The following CBLN3 variants were observed in gnomAD, a reference collection of about 807,000 sequenced individuals.
The protein encoded by CBLN3 is cerebellin 3 precursor, also known as cerebellin-3.
Under a neutral mutation model 17.4 loss-of-function variants are expected in CBLN3, and 14 were observed. The ratio of observed to expected loss-of-function variants is 0.81; its 90% CI spans 0.53 to 1.26. The LOEUF is 1.26. Among genes scored for constraint, CBLN3 ranks in the 50% most tolerant of loss-of-function variants. The pLI is 0.00. For missense variants in CBLN3, 263 were observed against 268.5 expected, an observed-to-expected ratio of 0.98 and a Z score of 0.14; for synonymous variants, 129 against 117.4, an observed-to-expected ratio of 1.10 and a Z score of -0.64.
In CBLN3 at chr14:24,429,604, A is replaced by AC. The variant is rs1156492317; in HGVS notation, c.-551dup. The stretch of plus-strand genomic sequence containing the variant: ...ACCCTCCGCCTCCCGCCTCCCGCCT[A>AC]CCCCCTCCGCCACGATTGCTTTGGT... On this transcript the variant is annotated 5_prime_UTR_variant, in exon 1 of 3. Transcript: ENST00000267406. The AC allele has an allele frequency of 1.1e-6, 1 of 922,290 alleles. No individual in the cohort carries two copies. The highest frequency in any genetic ancestry group is 1.4e-6 in the Non-Finnish European group (1 of 704,484). The allele number at this position is 922,290 out of a possible 1,614,324, so 57.1% of individuals were successfully genotyped here.
At position 24,427,513 on chromosome 14, in the gene CBLN3, T is replaced by C; in HGVS notation, c.*276A>G. On this transcript the variant is annotated 3_prime_UTR_variant, in exon 3 of 3. Coordinates refer to ENST00000267406, the MANE Select transcript of CBLN3 (RefSeq NM_001039771.3). This position sits in a 1 kb window ranked among gnomAD's most constrained non-coding sequence, Gnocchi z 4.4. ...CGCAAAGTAGTGCAGATCTTCCTTC[T>C]TGCCAAACCTTGCCCTGATCCTAGG... The C allele has an allele frequency of 2.3e-6, 1 of 436,594 alleles. No individual in the cohort carries two copies. The highest frequency in any genetic ancestry group is 2.4e-5 in the South Asian group (1 of 42,360). 27.0% of individuals were successfully genotyped at this position (436,594 alleles called of 1,614,324 possible). A position where few individuals can be genotyped will look rare whatever the true frequency, so the allele number is the denominator to read the frequency against.
Position 24,427,943 on chromosome 14 carries a change from G to T in CBLN3, c.464C>A (p.Ala155Asp). Residue 155 changes from alanine (A) to aspartate (D), a missense_variant, in exon 3 of 3, where the codon GCC becomes GAC. By Grantham distance (126) the Ala-to-Asp change is moderately radical. Coordinates refer to ENST00000267406, the MANE Select transcript of CBLN3 (RefSeq NM_001039771.3). The surrounding 1 kb of genome is among the most constrained non-coding windows in gnomAD (Gnocchi z 4.4). ...CTCCCGGGTCACGTCAGGATCATTG[G>T]CAAAGGCTGAGATGACAGGCCACGT... is the stretch of plus-strand genomic sequence containing the variant. ...LNTWPVISAF[A>D]NDPDVTREAA... 6.2e-7 allele frequency: 1 copy of T among 1,613,854 alleles called. No individual in the cohort carries two copies. The highest frequency in any genetic ancestry group is 8.5e-7 in the Non-Finnish European group (1 of 1,179,890).
rs2043061256 is a variant in CBLN3 at position 24,429,292 on chromosome 14, GA to G, written c.-239del. ...GTGACAGCAGTTGGGCTTTGGGAGA[GA>G]AAGGAGGGATGAAGCCGCCTGCCCA... is the stretch of plus-strand genomic sequence containing the variant. On this transcript the variant is annotated 5_prime_UTR_variant, in exon 1 of 3. It introduces an in-frame stop codon into an upstream open reading frame of the 5' UTR. Coordinates refer to ENST00000267406, the MANE Select transcript of CBLN3 (RefSeq NM_001039771.3). 1.4e-6 allele frequency: 1 copy of G among 695,934 alleles called. No individual in the cohort carries two copies. The highest frequency in any genetic ancestry group is 1.8e-5 in the African/African-American group (1 of 56,712). 43.1% of individuals were successfully genotyped at this position (695,934 alleles called of 1,614,324 possible).
intron 2 of CBLN3, 73 bp downstream of exon 2, chr14:24,428,213 A>G: frequency 6.3e-7 from 1 of 1,580,616 alleles, no homozygotes; most frequent in Non-Finnish European, 8.6e-7. Context: ...GTCCACCCGG[A>G]GGTCAGCTGG....
chr14:24,426,856 G>C lies in CBLN3; in HGVS notation c.*933C>G, dbSNP rs2043025120. The C allele has an allele frequency of 6.6e-6, 1 of 152,426 alleles. No individual in the cohort carries two copies. The highest frequency in any genetic ancestry group is 1.5e-5 in the Non-Finnish European group (1 of 68,172). The allele number at this position is 152,426 out of a possible 1,614,324, so 9.4% of individuals were successfully genotyped here. A position where few individuals can be genotyped will look rare whatever the true frequency, so the allele number is the denominator to read the frequency against. ...GATCAGGAGAAAGAGAGATAGTGGGGATATGCTGGAACAGGTACAGTGAAG... is the reference window on the plus strand; with the variant it reads ...GATCAGGAGAAAGAGAGATAGTGGGCATATGCTGGAACAGGTACAGTGAAG... On this transcript the variant is annotated 3_prime_UTR_variant, in exon 3 of 3. Coordinates refer to ENST00000267406, the MANE Select transcript of CBLN3 (RefSeq NM_001039771.3).
chr14:24,427,842 G>A lies in CBLN3; in HGVS notation c.565C>T (p.Leu189=). 6.2e-7 allele frequency: 1 copy of A among 1,614,144 alleles called. No individual in the cohort carries two copies. The highest frequency in any genetic ancestry group is 2.2e-5 in the East Asian group (1 of 44,882). Reference sequence around the variant, plus strand: ...AAACTTGAGTATTTCCAACCACCCAGTAGATTCCCCCGACGCAGGCGCAGA... The same window carrying A: ...AAACTTGAGTATTTCCAACCACCCAATAGATTCCCCCGACGCAGGCGCAGA... ...VSLRLRRGNL[L]GGWKYSSFSG... Residue 189 remains leucine, a synonymous_variant, in exon 3 of 3, where the codon CTG becomes TTG. Coordinates refer to ENST00000267406, the MANE Select transcript of CBLN3 (RefSeq NM_001039771.3). This position sits in a 1 kb window ranked among gnomAD's most constrained non-coding sequence, Gnocchi z 4.4.
Position 24,427,663 on chromosome 14 carries a change from T to A in CBLN3, c.*126A>T. 1 of 866,788 alleles carries A rather than the reference T, an allele frequency of 1.2e-6. No homozygotes were observed. Among genetic ancestry groups the A allele is most frequent in the Non-Finnish European group, 1.9e-6 (1 of 529,848 alleles). The allele number at this position is 866,788 out of a possible 1,614,324, so 53.7% of individuals were successfully genotyped here. A position where few individuals can be genotyped will look rare whatever the true frequency, so the allele number is the denominator to read the frequency against. ...TTAAACTTGGGTGTTTGGCACAGGGTCCCATGCAAAGAGGTGGGATAGGAG... is the reference window on the plus strand; with the variant it reads ...TTAAACTTGGGTGTTTGGCACAGGGACCCATGCAAAGAGGTGGGATAGGAG... On this transcript the variant is annotated 3_prime_UTR_variant, in exon 3 of 3. Coordinates refer to ENST00000267406, the MANE Select transcript of CBLN3 (RefSeq NM_001039771.3). The surrounding 1 kb of genome is among the most constrained non-coding windows in gnomAD (Gnocchi z 4.4).
Position 24,428,407 on chromosome 14 carries a change from TG to T in CBLN3, c.301-3del, listed in dbSNP as rs773201159. 1.0e-4 allele frequency: 162 copies of T among 1,613,464 alleles called. No homozygotes were observed. Among genetic ancestry groups the T allele is most frequent in the Non-Finnish European group, 1.4e-4 (160 of 1,179,820 alleles). On this transcript the variant is annotated splice_polypyrimidine_tract_variant and splice_region_variant and intron_variant, in intron 1 of 2. Coordinates refer to ENST00000267406, the MANE Select transcript of CBLN3 (RefSeq NM_001039771.3). ...GCCACCGCCCTCGTTCACCAGGACC[TG>T]GGGGAAGCAGAGCCTGCTGAGTGGG...
rs773414234 is a variant in CBLN3, at chr14:24,428,985, G to T, written c.70C>A (p.Leu24Ile). The change falls in exon 1 of 3, where the codon CTT becomes ATT. Residue 24 changes from leucine (L) to isoleucine (I), a missense_variant. Coordinates refer to ENST00000267406, the MANE Select transcript of CBLN3 (RefSeq NM_001039771.3). ...HSPGLPLVLV[L>I]LALGAGWAQE... The stretch of plus-strand genomic sequence containing the variant: ...GCCCACCCGGCCCCCAGGGCCAGAA[G>T]CACCAGAACCAAGGGCAGCCCGGGA... The T allele has an allele frequency of 6.4e-6, 10 of 1,550,436 alleles. No individual in the cohort carries two copies. Among genetic ancestry groups the T allele is most frequent in the Middle Eastern group, 3.4e-4 (2 of 5,948 alleles).
rs2043060207 is a variant in CBLN3 at position 24,429,217 on chromosome 14, C to T, written c.-163G>A. ...TGTCCCAGCTCTGTCCTGCCTCCCA[C>T]TCTTACTCCTGCTGTCACTGCAGTT... On this transcript the variant is annotated 5_prime_UTR_variant, in exon 1 of 3. The change creates a new upstream start codon in the 5' untranslated region. Transcript: ENST00000267406. 3 of 722,220 alleles carry T rather than the reference C, an allele frequency of 4.2e-6. No individual in the cohort carries two copies. The South Asian group carries it at 5.3e-5, about 13-fold the overall frequency. 44.7% of individuals were successfully genotyped at this position (722,220 alleles called of 1,614,324 possible).
In CBLN3 at chr14:24,427,008, T is replaced by C. The variant is rs1219536834; in HGVS notation, c.*781A>G. On this transcript the variant is annotated 3_prime_UTR_variant, in exon 3 of 3. Transcript: ENST00000267406. This position sits in a 1 kb window ranked among gnomAD's most constrained non-coding sequence, Gnocchi z 4.4. Reference sequence around the variant, plus strand: ...CAAGAGGATGCATGGTTATCGATGTTTTCCATGGTCCACTTCCAGCTCTGT... The same window carrying C: ...CAAGAGGATGCATGGTTATCGATGTCTTCCATGGTCCACTTCCAGCTCTGT... 1 of 152,196 alleles carries C rather than the reference T, an allele frequency of 6.6e-6. No homozygotes were observed. The highest frequency in any genetic ancestry group is 2.4e-5 in the African/African-American group (1 of 41,430). The allele number at this position is 152,196 out of a possible 1,614,324, so 9.4% of individuals were successfully genotyped here.
In CBLN3 at chr14:24,427,944, C is replaced by T. The variant is rs751144349; in HGVS notation, c.463G>A (p.Ala155Thr). The change falls in exon 3 of 3, where the codon GCC becomes ACC. Residue 155 changes from alanine (A) to threonine (T), a missense_variant. Coordinates refer to ENST00000267406, the MANE Select transcript of CBLN3 (RefSeq NM_001039771.3). The surrounding 1 kb of genome is among the most constrained non-coding windows in gnomAD (Gnocchi z 4.4). ...LNTWPVISAF[A>T]NDPDVTREAA... is the part of the protein sequence containing the mutation. ...TCCCGGGTCACGTCAGGATCATTGG[C>T]AAAGGCTGAGATGACAGGCCACGTG... 1.2e-6 allele frequency: 2 copies of T among 1,613,674 alleles called. No homozygotes were observed.
Position 24,429,214 on chromosome 14 carries a change from C to T in CBLN3, c.-160G>A, listed in dbSNP as rs1755390449. 4.1e-6 allele frequency: 3 copies of T among 729,866 alleles called. No individual in the cohort carries two copies. The African/African-American group carries it at 5.3e-5, about 13-fold the overall frequency. 45.2% of individuals were successfully genotyped at this position (729,866 alleles called of 1,614,324 possible). On this transcript the variant is annotated 5_prime_UTR_variant, in exon 1 of 3. Coordinates refer to ENST00000267406, the MANE Select transcript of CBLN3 (RefSeq NM_001039771.3). The stretch of plus-strand genomic sequence containing the variant: ...CTGTGTCCCAGCTCTGTCCTGCCTC[C>T]CACTCTTACTCCTGCTGTCACTGCA...
In CBLN3 at chr14:24,426,798, T is replaced by C. The variant is rs2043024373; in HGVS notation, c.*991A>G. On this transcript the variant is annotated 3_prime_UTR_variant, in exon 3 of 3. Coordinates refer to ENST00000267406, the MANE Select transcript of CBLN3 (RefSeq NM_001039771.3). ...GAATGAATCATGGAATCCCAGGTAA[T>C]AGGAAGCCTAAGGAGGAGAATAAGA... 1 of 152,202 alleles carries C rather than the reference T, an allele frequency of 6.6e-6. No individual in the cohort carries two copies. The highest frequency in any genetic ancestry group is 6.5e-5 in the Admixed American group (1 of 15,280). The allele number at this position is 152,202 out of a possible 1,614,324, so 9.4% of individuals were successfully genotyped here. A position where few individuals can be genotyped will look rare whatever the true frequency, so the allele number is the denominator to read the frequency against.
chr14:24,427,763 T>A lies in CBLN3; in HGVS notation c.*26A>T. On this transcript the variant is annotated 3_prime_UTR_variant, in exon 3 of 3. Coordinates refer to ENST00000267406, the MANE Select transcript of CBLN3 (RefSeq NM_001039771.3). This position sits in a 1 kb window ranked among gnomAD's most constrained non-coding sequence, Gnocchi z 4.4. ...CAGAAGAAAGTTGTCAGGGGCTGGATTCTTGTGCTTGAAAGACTTGGGTCC... is the reference window on the plus strand; with the variant it reads ...CAGAAGAAAGTTGTCAGGGGCTGGAATCTTGTGCTTGAAAGACTTGGGTCC... 6.2e-7 allele frequency: 1 copy of A among 1,611,842 alleles called. No homozygotes were observed. Among genetic ancestry groups the A allele is most frequent in the South Asian group, 1.1e-5 (1 of 91,018 alleles).
Position 24,429,497 on chromosome 14 carries a change from C to G in CBLN3, c.-443G>C. 2.2e-6 allele frequency: 1 copy of G among 458,064 alleles called. No homozygotes were observed. The highest frequency in any genetic ancestry group is 4.2e-6 in the Non-Finnish European group (1 of 236,822). The allele number at this position is 458,064 out of a possible 1,614,324, so 28.4% of individuals were successfully genotyped here. A position where few individuals can be genotyped will look rare whatever the true frequency, so the allele number is the denominator to read the frequency against. ...AACCCCTTCCTCCTACTCTTCCTCT[C>G]TTCAAAATCCCCCACAAATCAACAG... is the stretch of plus-strand genomic sequence containing the variant. On this transcript the variant is annotated 5_prime_UTR_variant, in exon 1 of 3. Transcript: ENST00000267406.
Position 24,429,006 on chromosome 14 carries a change from C to T in CBLN3, c.49G>A (p.Gly17Arg), listed in dbSNP as rs375714567. 350 of 1,547,156 alleles carry T rather than the reference C, an allele frequency of 2.3e-4. No homozygotes were observed. Among genetic ancestry groups the T allele is most frequent in the Non-Finnish European group, 2.9e-4 (334 of 1,144,638 alleles). Residue 17 changes from glycine to arginine, a missense_variant, in exon 1 of 3, where the codon GGG becomes AGG. Coordinates refer to ENST00000267406, the MANE Select transcript of CBLN3 (RefSeq NM_001039771.3). ...HWLPGPLHSP[G>R]LPLVLVLLAL... ...AGAAGCACCAGAACCAAGGGCAGCC[C>T]GGGACTGTGTAGGGGACCTGGTAGC...
At position 24,429,093 on chromosome 14, in the gene CBLN3, C is replaced by T. The variant is rs1345312311; in HGVS notation, c.-39G>A. On this transcript the variant is annotated 5_prime_UTR_variant, in exon 1 of 3. Coordinates refer to ENST00000267406, the MANE Select transcript of CBLN3 (RefSeq NM_001039771.3). ...TGCAACCCACAAGTGCCCCGGTCTT[C>T]TGCCCCTCTTCTGTTTCCGCTCCTC... is the stretch of plus-strand genomic sequence containing the variant. The T allele has an allele frequency of 3.4e-6, 5 of 1,462,614 alleles. No homozygotes were observed. Among genetic ancestry groups the T allele is most frequent in the Non-Finnish European group, 4.5e-6 (5 of 1,104,000 alleles). The allele number at this position is 1,462,614 out of a possible 1,614,324, so 90.6% of individuals were successfully genotyped here. A position where few individuals can be genotyped will look rare whatever the true frequency, so the allele number is the denominator to read the frequency against.
rs1353542337 is a variant in CBLN3, at chr14:24,428,900, C to A, written c.155G>T (p.Gly52Val). The A allele has an allele frequency of 1.9e-6, 3 of 1,581,836 alleles. No homozygotes were observed. The highest frequency in any genetic ancestry group is 3.6e-5 in the Admixed American group (2 of 54,874). Residue 52 changes from glycine to valine, a missense_variant, in exon 1 of 3, where the codon GGC becomes GTC. Transcript: ENST00000267406. ...CCCGGGCCCCCCTGCAGCAGCTCGG[C>A]CAGGCTCACAGACCACCAGGCACTC... is the stretch of plus-strand genomic sequence containing the variant. Reference protein sequence around the residue: ...EGECLVVCEPGRAAAGGPGGA... With the variant: ...EGECLVVCEPVRAAAGGPGGA...
Sources: allele counts gnomAD v4.1 joint callset, GRCh38; gene constraint gnomAD v4.1.1; non-coding constraint Gnocchi (gnomAD v3.1); transcripts MANE v1.5; gene names NCBI Gene and HGNC (gene_info 2026-07-23, HGNC 2026-07-21).